USP30: variants seen among roughly 807,000 people sequenced by gnomAD.
USP30 encodes the protein ubiquitin specific peptidase 30.
USP30 carries 41 observed loss-of-function variants against 68.2 expected under a neutral mutation model. The observed-to-expected ratio is 0.60, with a 90% CI of 0.47 to 0.78. USP30 has a LOEUF of 0.78. Ranked by LOEUF, USP30 falls within the 30% of genes least tolerant of loss-of-function variation. The pLI is 0.00. For synonymous variants in USP30, 229 were observed against 253.7 expected (o/e 0.90, Z 0.93); for missense variants, 522 against 649.4 (o/e 0.80, Z 2.13).
chr12:109,069,678 G>C (rs1030816855), intron 4 of USP30, among the ~76,000 whole-genome samples: 3 of 152,188 alleles, frequency 2.0e-5, no homozygotes, highest in South Asian at 2.1e-4. Flanking sequence ...ATAGCAGGCA[G>C]GGGTCGGTGC....
chr12:109,075,834 A>G (rs1013980812), intron 7 of USP30, among the ~76,000 whole-genome samples: 1 of 114,010 alleles, frequency 8.8e-6, no homozygotes, highest in African/African-American at 3.1e-5. Flanking sequence ...TAATCATGTT[A>G]CTTTTTCTTT....
In USP30 at chr12:109,082,894, G is replaced by C. The variant is rs375145793; in HGVS notation, c.1000G>C (p.Gly334Arg). 1 of 1,614,154 alleles carries C rather than the reference G, an allele frequency of 6.2e-7. No homozygotes were observed. Among genetic ancestry groups the C allele is most frequent in the Non-Finnish European group, 8.5e-7 (1 of 1,180,018 alleles). ...HLQRLSWSSHGTPLKRHEHVQ... is the reference protein window; with the variant it reads ...HLQRLSWSSHRTPLKRHEHVQ... ...ACAGCGGCTGAGCTGGTCCAGCCAC[G>C]GCACGCCTCTGAAGCGGCATGAGCA... Residue 334 changes from glycine (G) to arginine (R), a missense_variant, in exon 11 of 13, where the codon GGC becomes CGC. Transcript: ENST00000257548.
At chr12:109,063,230 G>A (rs1305070853) in intron 3 of USP30, among the ~76,000 whole-genome samples, 2 of 152,086 alleles carry the variant, frequency 1.3e-5, no homozygotes, top group African/African-American at 4.8e-5. Context: ...CTTCCGAGTA[G>A]CTGGGATGAC....
chr12:109,084,960 T>C lies in USP30; in HGVS notation c.1176T>C (p.Asn392=). ...DGPGAPTPVL[N]QPGAPKTQIF... Reference sequence around the variant, plus strand: ...GGCCTTTTTCTCTTGCAGTTCTGAATCAGCCAGGGGCCCCCAAAACACAGA... The same window carrying C: ...GGCCTTTTTCTCTTGCAGTTCTGAACCAGCCAGGGGCCCCCAAAACACAGA... Residue 392 remains asparagine (N), a synonymous_variant, in exon 12 of 13, where the codon AAT becomes AAC. Coordinates refer to ENST00000257548, the MANE Select transcript of USP30 (RefSeq NM_032663.5). 1 of 1,593,778 alleles carries C rather than the reference T, an allele frequency of 6.3e-7. No individual in the cohort carries two copies. Among genetic ancestry groups the C allele is most frequent in the Admixed American group, 1.7e-5 (1 of 57,394 alleles).
At chr12:109,031,272 T>G (rs557459136) in intron 3 of USP30, among the ~76,000 whole-genome samples, 1 of 152,364 alleles carries the variant, frequency 6.6e-6, no homozygotes, top group South Asian at 2.1e-4. Context: ...ATCATTTTTA[T>G]GGAACAGTTT....
chr12:109,081,993 G>A lies in USP30; in HGVS notation c.841G>A (p.Asp281Asn). The change falls in exon 9 of 13, where the codon GAT becomes AAT. Residue 281 changes from aspartate to asparagine, a missense_variant. Asp to Asn is a conservative substitution (Grantham distance 23). Transcript: ENST00000257548. ...CTTCATCTCATCAGAATCAGTGCGG[G>A]ATGTTGTGTGTGACAACTGTACAAA... ...HHFISSESVR[D>N]VVCDNCTKIE... 6.2e-7 allele frequency: 1 copy of A among 1,614,224 alleles called. No individual in the cohort carries two copies. The highest frequency in any genetic ancestry group is 1.1e-5 in the South Asian group (1 of 91,088).
chr12:109,042,130 A>G (rs1169886390), intron 3 of USP30, among the ~76,000 whole-genome samples: 1 of 151,636 alleles, frequency 6.6e-6, no homozygotes, highest in Non-Finnish European at 1.5e-5. Context: ...AGGTATCTTC[A>G]TACGAGATTG....
At chr12:109,032,440 C>T (rs1237890249) in intron 3 of USP30, among the ~76,000 whole-genome samples, 1 of 152,080 alleles carries the variant, frequency 6.6e-6, no homozygotes, top group Non-Finnish European at 1.5e-5. Context: ...TATACCCATA[C>T]AATGGAATAT....
At position 109,081,968 on chromosome 12, in the gene USP30, C is replaced by G; in HGVS notation, c.816C>G (p.His272Gln). The G allele has an allele frequency of 6.2e-7, 1 of 1,614,260 alleles. No individual in the cohort carries two copies. Among genetic ancestry groups the G allele is most frequent in the South Asian group, 1.1e-5 (1 of 91,086 alleles). Reference sequence around the variant, plus strand: ...TGACCCTGGACCACTGCCTTCACCACTTCATCTCATCAGAATCAGTGCGGG... The same window carrying G: ...TGACCCTGGACCACTGCCTTCACCAGTTCATCTCATCAGAATCAGTGCGGG... ...HPLTLDHCLH[H>Q]FISSESVRDV... The change falls in exon 9 of 13, where the codon CAC becomes CAG. Residue 272 changes from histidine to glutamine, a missense_variant. Coordinates refer to ENST00000257548, the MANE Select transcript of USP30 (RefSeq NM_032663.5).
At chr12:109,059,407 G>A (rs1210066373) in intron 3 of USP30, among the ~76,000 whole-genome samples, 1 of 152,286 alleles carries the variant, frequency 6.6e-6, no homozygotes, top group African/African-American at 2.4e-5. Flanking sequence ...TGTTGGCCAG[G>A]CTAGTCTCAA....
intron 3 of USP30, among the ~76,000 whole-genome samples, chr12:109,066,069 T>C (rs140820667): frequency 1.3e-5 from 2 of 151,818 alleles, no homozygotes; most frequent in East Asian, 3.9e-4. Context: ...CTGGGCAACA[T>C]GGTGAAACTC....
Position 109,081,323 on chromosome 12 carries a change from A to C in USP30, c.721-11A>C. 6.2e-7 allele frequency: 1 copy of C among 1,613,518 alleles called. No homozygotes were observed. The highest frequency in any genetic ancestry group is 8.5e-7 in the Non-Finnish European group (1 of 1,179,878). ...AAATCGTTTCTGGATTTTCTGCAAT[A>C]TTTCTTTCAGAGTCCTGTTCGATTT... is the stretch of plus-strand genomic sequence containing the variant. On this transcript the variant is annotated splice_polypyrimidine_tract_variant and intron_variant, in intron 7 of 12. Coordinates refer to ENST00000257548, the MANE Select transcript of USP30 (RefSeq NM_032663.5).
intron 3 of USP30, among the ~76,000 whole-genome samples, 165 bp downstream of exon 3, chr12:109,058,273 A>T (rs2135720121): frequency 6.6e-6 from 1 of 152,324 alleles, no homozygotes; most frequent in South Asian, 2.1e-4. Context: ...AGTATTTTTT[A>T]AAAATCAAAG....
chr12:109,031,730 T>C (rs1164351353), intron 3 of USP30, among the ~76,000 whole-genome samples: 2 of 152,170 alleles, frequency 1.3e-5, no homozygotes, highest in Non-Finnish European at 1.5e-5. Context: ...ACATTATGCT[T>C]AGTGAGATAA....
intron 7 of USP30, among the ~76,000 whole-genome samples, chr12:109,075,371 C>G (rs2041566174): frequency 6.6e-6 from 1 of 151,992 alleles, no homozygotes; most frequent in Non-Finnish European, 1.5e-5. Context: ...TTTTTTCAGA[C>G]AGAGTCTCGC....
chr12:109,082,911 G>A lies in USP30; in HGVS notation c.1017G>A (p.Arg339=), dbSNP rs2041844927. ...SWSSHGTPLK[R]HEHVQFNEFL... ...CCAGCCACGGCACGCCTCTGAAGCG[G>A]CATGAGCACGTGCAGTTCAATGAGT... Residue 339 remains arginine, a synonymous_variant, in exon 11 of 13, where the codon CGG becomes CGA. Transcript: ENST00000257548. The A allele has an allele frequency of 6.2e-7, 1 of 1,614,126 alleles. No homozygotes were observed. The highest frequency in any genetic ancestry group is 1.3e-5 in the African/African-American group (1 of 74,942).
At position 109,087,180 on chromosome 12, in the gene USP30, G is replaced by A. The variant is rs897705804; in HGVS notation, c.*1249G>A. The A allele has an allele frequency of 1.3e-5, 2 of 152,106 alleles. No homozygotes were observed. Among genetic ancestry groups the A allele is most frequent in the African/African-American group, 4.8e-5 (2 of 41,420 alleles). The allele number at this position is 152,106 out of a possible 1,614,324, so 9.4% of individuals were successfully genotyped here. The stretch of plus-strand genomic sequence containing the variant: ...GGGCCAAAGGAATTTTGATGACACA[G>A]TAGTACCTATGTTTTAAGCTATATT... On this transcript the variant is annotated 3_prime_UTR_variant, in exon 13 of 13. Coordinates refer to ENST00000257548, the MANE Select transcript of USP30 (RefSeq NM_032663.5).
At chr12:109,056,509 C>A (rs143232892) in intron 1 of USP30, among the ~76,000 whole-genome samples, 173 bp from the exon 2 acceptor site, 17 of 152,234 alleles carry the variant, frequency 1.1e-4, no homozygotes, top group African/African-American at 3.6e-4. Context: ...GATTTTAAAT[C>A]CTAATGTCTA....
At chr12:109,077,823 G>T (rs1026120526) in intron 7 of USP30, among the ~76,000 whole-genome samples, 1 of 149,104 alleles carries the variant, frequency 6.7e-6, no homozygotes, top group Non-Finnish European at 1.5e-5. Flanking sequence ...GTGTGTTTGT[G>T]TTGGGGGGGG....
Sources: allele counts gnomAD v4.1 joint callset (sites outside exome capture counted in the v4.1 genomes callset), GRCh38; gene constraint gnomAD v4.1.1; transcripts MANE v1.5; gene names NCBI Gene and HGNC (gene_info 2026-07-23, HGNC 2026-07-21).